The following PTPRO variants were observed in gnomAD, a reference collection of about 807,000 sequenced individuals.
PTPRO encodes the protein receptor-type tyrosine-protein phosphatase O.
Under a neutral mutation model 145.2 loss-of-function variants are expected in PTPRO, and 62 were observed. The ratio of observed to expected loss-of-function variants is 0.43; its 90% CI spans 0.35 to 0.53. The LOEUF is 0.53. Ranked by LOEUF, PTPRO falls within the 20% of genes least tolerant of loss-of-function variation. The pLI is 0.01. For synonymous variants in PTPRO, 565 were observed against 514.7 expected (o/e 1.10, Z -1.32); for missense variants, 1,345 against 1,482.7 (o/e 0.91, Z 1.53).
At chr12:15,409,801 G>T (rs1939746151) in intron 1 of PTPRO, among the ~76,000 whole-genome samples, 1 of 152,182 alleles carries the variant, frequency 6.6e-6, no homozygotes, top group East Asian at 1.9e-4. Flanking sequence ...CTATCTCAAG[G>T]ACAGTACCAA....
At chr12:15,561,649 A>T (rs1247731514) in intron 17 of PTPRO, among the ~76,000 whole-genome samples, 2 of 152,124 alleles carry the variant, frequency 1.3e-5, no homozygotes, top group Non-Finnish European at 2.9e-5. Flanking sequence ...GTTTTCAGGT[A>T]TGAATAGCAC....
chr12:15,458,217 T>C (rs1380546411), intron 1 of PTPRO, among the ~76,000 whole-genome samples: 1 of 152,172 alleles, frequency 6.6e-6, no homozygotes, highest in Admixed American at 6.5e-5. Context: ...TGCTGAGAAA[T>C]CTGCTGACAG....
Position 15,597,271 on chromosome 12 carries a change from A to T in PTPRO, c.*1198A>T, listed in dbSNP as rs745571907. On this transcript the variant is annotated 3_prime_UTR_variant, in exon 27 of 27. Transcript: ENST00000281171. ...CATGAATGCTGTCAAAATGACATTG[A>T]TGGCATTGTGAAGCCTGTTACTTTG... is the stretch of plus-strand genomic sequence containing the variant. 1 of 152,236 alleles carries T rather than the reference A, an allele frequency of 6.6e-6. No individual in the cohort carries two copies. The highest frequency in any genetic ancestry group is 2.1e-4 in the South Asian group (1 of 4,834). 9.4% of individuals were successfully genotyped at this position (152,236 alleles called of 1,614,324 possible).
At chr12:15,516,516 A>AG (rs1434089096) in intron 8 of PTPRO, among the ~76,000 whole-genome samples, 11 of 69,258 alleles carry the variant, frequency 1.6e-4, no homozygotes, top group Non-Finnish European at 3.3e-4. Context: ...AAAGAAAGAA[A>AG]GAAAAAGAAA....
At chr12:15,358,430 C>T (rs950061830) in intron 1 of PTPRO, among the ~76,000 whole-genome samples, 16 of 152,014 alleles carry the variant, frequency 1.1e-4, no homozygotes, top group Admixed American at 2.6e-4. Context: ...CCTAATTTTC[C>T]GGATTTTGAT....
At chr12:15,332,970 CCT>C (rs1457785259) in intron 1 of PTPRO, among the ~76,000 whole-genome samples, 1 of 152,166 alleles carries the variant, frequency 6.6e-6, no homozygotes, top group African/African-American at 2.4e-5. Context: ...ACTGTTCTGT[CCT>C]CATCCTCCAT....
At chr12:15,542,648 A>T (rs1401126132) in intron 12 of PTPRO, among the ~76,000 whole-genome samples, 1 of 152,268 alleles carries the variant, frequency 6.6e-6, no homozygotes, top group African/African-American at 2.4e-5. Context: ...GCCACATTAA[A>T]AATTAGTAAA....
intron 1 of PTPRO, among the ~76,000 whole-genome samples, chr12:15,409,591 T>G (rs1591786035): frequency 6.6e-6 from 1 of 152,174 alleles, no homozygotes; most frequent in African/African-American, 2.4e-5. Context: ...AAAAGAACTT[T>G]AATGGGTTCC....
At chr12:15,593,145 G>A (rs779940980) in intron 25 of PTPRO, among the ~76,000 whole-genome samples, 4 of 152,150 alleles carry the variant, frequency 2.6e-5, no homozygotes, top group African/African-American at 4.8e-5. Context: ...TGACCACAAG[G>A]GGTAGCTCAG....
chr12:15,390,229 G>A (rs1662655900), intron 1 of PTPRO, among the ~76,000 whole-genome samples: 1 of 152,106 alleles, frequency 6.6e-6, no homozygotes, highest in Non-Finnish European at 1.5e-5. Flanking sequence ...ACTTCTGCTT[G>A]TGCATGAATG....
chr12:15,567,503 CCT>C (rs886228059), intron 18 of PTPRO, among the ~76,000 whole-genome samples: 2 of 151,868 alleles, frequency 1.3e-5, no homozygotes, highest in South Asian at 2.1e-4. Flanking sequence ...GCTATTCCTT[CCT>C]CTCTCTCTCT....
chr12:15,583,049 C>T (rs148133256), intron 23 of PTPRO, among the ~76,000 whole-genome samples: 15 of 152,324 alleles, frequency 9.8e-5, no homozygotes, highest in African/African-American at 2.4e-4. Flanking sequence ...AAAGTTCTCA[C>T]TGAGATGTTC....
intron 1 of PTPRO, among the ~76,000 whole-genome samples, chr12:15,437,645 G>T (rs369713682): frequency 6.6e-6 from 1 of 151,212 alleles, no homozygotes; most frequent in Non-Finnish European, 1.5e-5. Flanking sequence ...CCTTCTGTTC[G>T]TAGATATTGG....
intron 1 of PTPRO, among the ~76,000 whole-genome samples, chr12:15,336,636 T>C (rs958021493): frequency 2.6e-5 from 4 of 152,104 alleles, no homozygotes; most frequent in Admixed American, 2.0e-4. Flanking sequence ...AAAAAAGATA[T>C]AGGATTGAAT....
chr12:15,585,217 G>A (rs1944406033), intron 23 of PTPRO, among the ~76,000 whole-genome samples: 1 of 152,200 alleles, frequency 6.6e-6, no homozygotes, highest in Non-Finnish European at 1.5e-5. Context: ...ATTATGATCA[G>A]CATTTAAACA....
chr12:15,408,281 G>A (rs568901863), intron 1 of PTPRO, among the ~76,000 whole-genome samples: 2 of 152,010 alleles, frequency 1.3e-5, no homozygotes, highest in African/African-American at 4.8e-5. Context: ...CTCTATGGAA[G>A]GCTGCATTAT....
chr12:15,401,322 G>T (rs1939486508), intron 1 of PTPRO, among the ~76,000 whole-genome samples: 2 of 152,178 alleles, frequency 1.3e-5, no homozygotes, highest in Admixed American at 1.3e-4. Context: ...GCAACTATAA[G>T]TGACTGCAAG....
At chr12:15,593,934 A>G (rs1367412560) in intron 25 of PTPRO, among the ~76,000 whole-genome samples, 5 of 152,152 alleles carry the variant, frequency 3.3e-5, no homozygotes, top group Non-Finnish European at 5.9e-5. Context: ...TACTTCAAAA[A>G]TCATTTAATA....
At chr12:15,568,733 A>T (rs1208623158) in intron 18 of PTPRO, among the ~76,000 whole-genome samples, 1 of 152,206 alleles carries the variant, frequency 6.6e-6, no homozygotes, top group East Asian at 1.9e-4. Flanking sequence ...CATAGCTCAG[A>T]TGTGTTACTT....
Sources: gnomAD v4.1 joint callset for allele counts (sites outside exome capture counted in the v4.1 genomes callset) on GRCh38, gnomAD v4.1.1 for gene constraint, MANE v1.5 for transcripts, NCBI Gene and HGNC (gene_info 2026-07-23, HGNC 2026-07-21) for gene names.